Variants in IL12RB2 observed in about 807,000 individuals in gnomAD.
The protein encoded by IL12RB2 is interleukin-12 receptor subunit beta-2.
IL12RB2 carries 82 observed loss-of-function variants against 89.4 expected under a neutral mutation model. The observed-to-expected ratio is 0.92, with a 90% CI of 0.77 to 1.10. The LOEUF (loss-of-function observed/expected upper bound fraction) is 1.10, where lower values mean the gene tolerates loss of function less well. IL12RB2 is among the 50% of genes least tolerant of loss of function. IL12RB2 has a pLI of 0.00. For missense variants in IL12RB2, 963 were observed against 1,031.9 expected (o/e 0.93, Z 0.92); for synonymous variants, 368 against 370.1 (o/e 0.99, Z 0.07).
chr1:67,366,198 T>C (rs1004376905), intron 10 of IL12RB2, among the ~76,000 whole-genome samples: 32 of 152,068 alleles, frequency 2.1e-4, no homozygotes, highest in Admixed American at 6.5e-4. Flanking sequence ...ACACCTGTAA[T>C]CCCAGCACTT....
At chr1:67,386,463 T>C in intron 14 of IL12RB2, 116 bp from the exon 15 acceptor site, 1 of 794,518 alleles carries the variant, frequency 1.3e-6, no homozygotes, top group Non-Finnish European at 2.3e-6. Context: ...ACCTTATTCT[T>C]GAGCACAGCT....
chr1:67,342,129 C>A (rs865898103), intron 9 of IL12RB2, among the ~76,000 whole-genome samples: 1 of 152,088 alleles, frequency 6.6e-6, no homozygotes, highest in African/African-American at 2.4e-5. Flanking sequence ...GCAGCCAGAT[C>A]GCTTTGTGAC....
intron 4 of IL12RB2, among the ~76,000 whole-genome samples, chr1:67,324,169 A>C (rs1209657112): frequency 1.3e-5 from 2 of 152,256 alleles, no homozygotes; most frequent in Non-Finnish European, 2.9e-5. Context: ...ATATAAACAT[A>C]TCTAAATGTA....
At chr1:67,348,964 A>G (rs1660530268) in intron 9 of IL12RB2, among the ~76,000 whole-genome samples, 2 of 152,148 alleles carry the variant, frequency 1.3e-5, no homozygotes, top group Admixed American at 6.5e-5. Flanking sequence ...TCAACTCTAA[A>G]ATATGGGATG....
At chr1:67,308,776 T>C (rs11209047) in intron 1 of IL12RB2, among the ~76,000 whole-genome samples, 23,400 of 152,084 alleles carry the variant, frequency 0.15, 1,858 homozygotes, top group Admixed American at 0.18. Context: ...TCCCAGCATT[T>C]TGGGAGGCCA....
Position 67,328,193 on chromosome 1 carries a change from T to C in IL12RB2, c.480-7T>C. On this transcript the variant is annotated splice_polypyrimidine_tract_variant and splice_region_variant and intron_variant, in intron 5 of 16. Coordinates refer to ENST00000674203, the MANE Select transcript of IL12RB2 (RefSeq NM_001374259.2). ...TGTTGCTACACGTGGTTGTGTTTTG[T>C]TTACAGGCTAAGTGGACCAAAAAAT... 1.2e-6 allele frequency: 2 copies of C among 1,600,766 alleles called. No homozygotes were observed. Among genetic ancestry groups the C allele is most frequent in the African/African-American group, 1.3e-5 (1 of 74,772 alleles).
At chr1:67,357,761 A>T (rs559564633) in intron 10 of IL12RB2, among the ~76,000 whole-genome samples, 7 of 152,350 alleles carry the variant, frequency 4.6e-5, no homozygotes, top group African/African-American at 1.7e-4. Context: ...AGCCGATGGG[A>T]TGAATAGCAG....
intron 8 of IL12RB2, among the ~76,000 whole-genome samples, chr1:67,337,397 T>TAA (rs1204552424): frequency 6.6e-6 from 1 of 152,184 alleles, no homozygotes; most frequent in African/African-American, 2.4e-5. Flanking sequence ...AAAACAAATC[T>TAA]AAGTGACTTG....
At chr1:67,307,510 A>G (rs1395056478), upstream of IL12RB2, 1 of 152,222 alleles carries the variant, frequency 6.6e-6, no homozygotes. Flanking sequence ...ACCTCGGTCA[A>G]CCCTTGCTCC....
intron 4 of IL12RB2, among the ~76,000 whole-genome samples, chr1:67,323,733 C>T (rs1340222857): frequency 2.0e-5 from 3 of 152,128 alleles, no homozygotes; most frequent in South Asian, 2.1e-4. Context: ...AGGCTATGCT[C>T]CACCAACCCA....
At chr1:67,341,996 A>G (rs1659681023) in intron 9 of IL12RB2, among the ~76,000 whole-genome samples, 1 of 152,204 alleles carries the variant, frequency 6.6e-6, no homozygotes, top group Non-Finnish European at 1.5e-5. Context: ...AGGTGATTTG[A>G]GTCCACTCTT....
chr1:67,308,879 G>A (rs1458723857), intron 1 of IL12RB2, among the ~76,000 whole-genome samples: 2 of 152,096 alleles, frequency 1.3e-5, no homozygotes, highest in East Asian at 3.8e-4. Context: ...AATTAGCTGG[G>A]CATGATGACG....
chr1:67,388,371 A>T (rs1219126842), intron 15 of IL12RB2, among the ~76,000 whole-genome samples: 1 of 152,106 alleles, frequency 6.6e-6, no homozygotes, highest in African/African-American at 2.4e-5. Context: ...TTTGAGACAG[A>T]GTCTCACTCT....
At chr1:67,312,701 G>A (rs1199789247) in intron 1 of IL12RB2, among the ~76,000 whole-genome samples, 1 of 147,248 alleles carries the variant, frequency 6.8e-6, no homozygotes, top group Admixed American at 6.7e-5. Flanking sequence ...AGAGGGAAAG[G>A]AGAAAACACA....
chr1:67,321,839 G>A lies in IL12RB2; in HGVS notation c.314G>A (p.Cys105Tyr). 5.0e-6 allele frequency: 8 copies of A among 1,613,732 alleles called. No individual in the cohort carries two copies. Among genetic ancestry groups the A allele is most frequent in the Non-Finnish European group, 6.8e-6 (8 of 1,179,640 alleles). The change falls in exon 4 of 17, where the codon TGT becomes TAT. Residue 105 changes from cysteine (C) to tyrosine (Y), a missense_variant. Cys to Tyr is a radical substitution (Grantham distance 194, BLOSUM62 -2). Transcript: ENST00000674203. ...GTTLFVCKLA[C>Y]INSDEIQICG... ...ACCTTGTTTGTCTGCAAACTGGCCTGTATCAATAGTGATGAAATTCAAATA... is the reference window on the plus strand; with the variant it reads ...ACCTTGTTTGTCTGCAAACTGGCCTATATCAATAGTGATGAAATTCAAATA...
In IL12RB2 at chr1:67,397,480, G is replaced by A. The variant is rs562739468; in HGVS notation, c.*1391G>A. On this transcript the variant is annotated 3_prime_UTR_variant, in exon 17 of 17. Coordinates refer to ENST00000674203, the MANE Select transcript of IL12RB2 (RefSeq NM_001374259.2). ...TCCCAAAGGCACAGCTTTCATTCCC[G>A]GAGAAGATATTGAGCTGGTCCTCTG... Among the ~76,000 whole-genome samples, 7 of 152,256 alleles carry A rather than the reference G, an allele frequency of 4.6e-5. No individual in the cohort carries two copies. Among genetic ancestry groups the A allele is most frequent in the South Asian group, 2.1e-4 (1 of 4,814 alleles).
At chr1:67,373,829 A>C (rs1432826760) in intron 13 of IL12RB2, among the ~76,000 whole-genome samples, 1 of 152,178 alleles carries the variant, frequency 6.6e-6, no homozygotes, top group Non-Finnish European at 1.5e-5. Flanking sequence ...CAACAAAGCC[A>C]CCCTAAGATG....
intron 16 of IL12RB2, among the ~76,000 whole-genome samples, chr1:67,391,887 C>T (rs1374747600): frequency 6.6e-6 from 1 of 152,152 alleles, no homozygotes; most frequent in African/African-American, 2.4e-5. Flanking sequence ...TCGTGATCCA[C>T]CCGCCTCGGC....
At chr1:67,347,054 A>C (rs1489333913) in intron 9 of IL12RB2, among the ~76,000 whole-genome samples, 1 of 152,240 alleles carries the variant, frequency 6.6e-6, no homozygotes, top group East Asian at 1.9e-4. Flanking sequence ...TGTACATGAC[A>C]GTATCCTTAT....
Sources: allele counts gnomAD v4.1 joint callset (sites outside exome capture counted in the v4.1 genomes callset), GRCh38; gene constraint gnomAD v4.1.1; transcripts MANE v1.5; gene names NCBI Gene and HGNC (gene_info 2026-07-23, HGNC 2026-07-21).